CYSLTR2: variants seen among roughly 807,000 people sequenced by gnomAD.
The protein encoded by CYSLTR2 is cysteinyl leukotriene receptor 2, also known as G-protein coupled receptor GPCR21.
For missense variants in CYSLTR2, 398 were observed against 411.9 expected (o/e 0.97, Z 0.29); for synonymous variants, 179 against 160.8 (o/e 1.11, Z -0.86).
At chr13:48,659,941 G>C (rs1382047510) in intron 1 of CYSLTR2, among the ~76,000 whole-genome samples, 1 of 152,204 alleles carries the variant, frequency 6.6e-6, no homozygotes. Flanking sequence ...GAGAGCTGAG[G>C]AAAGTTTTGA....
chr13:48,690,236 C>A lies in CYSLTR2; in HGVS notation c.-265-976C>A, dbSNP rs543497354. Among the ~76,000 whole-genome samples the A allele has an allele frequency of 3.9e-5, 6 of 152,230 alleles. No individual in the cohort carries two copies. The East Asian group carries it at 9.6e-4, about 24-fold the overall frequency. On this transcript the variant is annotated intron_variant, in intron 1 of 4. Transcript: ENST00000682523. ...GACTTCCTCTCTTCCTATTTGGATA[C>A]CCTTTATTTCTTTCTCTTGCCTGAT... is the stretch of plus-strand genomic sequence containing the variant.
chr13:48,677,938 G>T, intron 1 of CYSLTR2, among the ~76,000 whole-genome samples: 1 of 147,140 alleles, frequency 6.8e-6, no homozygotes, highest in African/African-American at 2.5e-5. Flanking sequence ...GCGCAATCTT[G>T]GCTCACTGCT....
chr13:48,706,122 G>A (rs1413027030), intron 4 of CYSLTR2, among the ~76,000 whole-genome samples: 5 of 150,638 alleles, frequency 3.3e-5, no homozygotes, highest in African/African-American at 7.3e-5. Context: ...TCAGCCTCCC[G>A]GGTAGCAGAG....
chr13:48,654,278 TGTGTGTGTGTGTGTGTGTGTGTGTGTGA>T (rs1306517015), intron 1 of CYSLTR2, among the ~76,000 whole-genome samples: 25 of 112,236 alleles, frequency 2.2e-4, no homozygotes, highest in Non-Finnish European at 3.4e-4. Flanking sequence ...TGTGTGTGTG[TGTGTGTGTGTGTGTGTGTGTGTGTGTGA>T]GTGTGTGTGT....
chr13:48,707,875 A>G lies in CYSLTR2; in HGVS notation c.*17A>G. 2 of 1,502,518 alleles carry G rather than the reference A, an allele frequency of 1.3e-6. No individual in the cohort carries two copies. Among genetic ancestry groups the G allele is most frequent in the Non-Finnish European group, 1.8e-6 (2 of 1,124,976 alleles). 93.1% of individuals were successfully genotyped at this position (1,502,518 alleles called of 1,614,324 possible). On this transcript the variant is annotated 3_prime_UTR_variant, in exon 5 of 5. Coordinates refer to ENST00000682523, the MANE Select transcript of CYSLTR2 (RefSeq NM_001308476.3). Reference sequence around the variant, plus strand: ...AGAGTATAAGGAGCTCTTAGATGAGACCTGTTCTTGTATCCTTGTGTCCAT... The same window carrying G: ...AGAGTATAAGGAGCTCTTAGATGAGGCCTGTTCTTGTATCCTTGTGTCCAT...
chr13:48,710,297 C>T lies in CYSLTR2; in HGVS notation c.*2439C>T, dbSNP rs1297729163. 6.6e-6 allele frequency: 1 copy of T among 152,162 alleles called. No homozygotes were observed. The highest frequency in any genetic ancestry group is 1.9e-4 in the East Asian group (1 of 5,196). 9.4% of individuals were successfully genotyped at this position (152,162 alleles called of 1,614,324 possible). A position where few individuals can be genotyped will look rare whatever the true frequency, so the allele number is the denominator to read the frequency against. ...AAATCTCGCACTATCACCCTCCACC[C>T]ATGTTCTGGGCAGGGCAAAGTGGGA... On this transcript the variant is annotated 3_prime_UTR_variant, in exon 5 of 5. Coordinates refer to ENST00000682523, the MANE Select transcript of CYSLTR2 (RefSeq NM_001308476.3).
intron 1 of CYSLTR2, among the ~76,000 whole-genome samples, chr13:48,681,618 T>C (rs1408286820): frequency 6.6e-6 from 1 of 152,178 alleles, no homozygotes; most frequent in Non-Finnish European, 1.5e-5. Context: ...CTATTGTTTT[T>C]GGTGATCTCT....
At chr13:48,656,391 T>G (rs1427737530) in intron 1 of CYSLTR2, among the ~76,000 whole-genome samples, 1 of 152,236 alleles carries the variant, frequency 6.6e-6, no homozygotes, top group Non-Finnish European at 1.5e-5. Context: ...GGCACCAAGT[T>G]AATCACTTAA....
intron 1 of CYSLTR2, among the ~76,000 whole-genome samples, chr13:48,685,162 G>A (rs1167300485): frequency 6.6e-6 from 1 of 152,138 alleles, no homozygotes. Flanking sequence ...GGAGGCCTCG[G>A]GGAGCTTTTA....
At chr13:48,681,594 T>G (rs1053428775) in intron 1 of CYSLTR2, among the ~76,000 whole-genome samples, 1 of 152,176 alleles carries the variant, frequency 6.6e-6, no homozygotes, top group Non-Finnish European at 1.5e-5. Flanking sequence ...AAATCCATGG[T>G]GGACCACCTA....
At chr13:48,676,947 C>G (rs1953613252) in intron 1 of CYSLTR2, among the ~76,000 whole-genome samples, 1 of 152,038 alleles carries the variant, frequency 6.6e-6, no homozygotes, top group Non-Finnish European at 1.5e-5. Context: ...GAGGCAGAGG[C>G]AAAGAAACAG....
At chr13:48,663,096 G>T (rs1953170711) in intron 1 of CYSLTR2, among the ~76,000 whole-genome samples, 1 of 152,074 alleles carries the variant, frequency 6.6e-6, no homozygotes, top group Admixed American at 6.6e-5. Context: ...TTATTCAGGA[G>T]ACTGTCTTTT....
chr13:48,705,409 T>C (rs1399463375), intron 4 of CYSLTR2, among the ~76,000 whole-genome samples: 1 of 152,092 alleles, frequency 6.6e-6, no homozygotes, highest in Non-Finnish European at 1.5e-5. Flanking sequence ...TTATATTTAA[T>C]GTAATTATTG....
At chr13:48,675,448 A>G (rs1379481818) in intron 1 of CYSLTR2, among the ~76,000 whole-genome samples, 1 of 152,132 alleles carries the variant, frequency 6.6e-6, no homozygotes. Context: ...TGTGAGGGGA[A>G]AACTGCCTAC....
intron 1 of CYSLTR2, among the ~76,000 whole-genome samples, chr13:48,657,320 G>C (rs75422730): frequency 0.1 from 15,427 of 152,142 alleles, 1,715 homozygotes; most frequent in African/African-American, 0.28. Flanking sequence ...CAGGATAAGG[G>C]TCTAAGCAGT....
At chr13:48,661,221 G>C (rs544351260) in intron 1 of CYSLTR2, among the ~76,000 whole-genome samples, 2 of 151,980 alleles carry the variant, frequency 1.3e-5, no homozygotes, top group Non-Finnish European at 2.9e-5. Context: ...CAAAGTGCTA[G>C]GATTACAGAC....
At chr13:48,674,589 T>G (rs1298112546) in intron 1 of CYSLTR2, among the ~76,000 whole-genome samples, 2 of 152,222 alleles carry the variant, frequency 1.3e-5, no homozygotes, top group African/African-American at 4.8e-5. Flanking sequence ...TAGGAGGAGT[T>G]TGTTGTTACC....
At chr13:48,660,782 A>T (rs1321484070) in intron 1 of CYSLTR2, among the ~76,000 whole-genome samples, 1 of 152,226 alleles carries the variant, frequency 6.6e-6, no homozygotes, top group African/African-American at 2.4e-5. Flanking sequence ...GCCTGTTACA[A>T]ATAAACTCTG....
chr13:48,684,655 C>T (rs117042947), intron 1 of CYSLTR2, among the ~76,000 whole-genome samples: 307 of 152,120 alleles, frequency 2.0e-3, no homozygotes, highest in Middle Eastern at 6.8e-3. Context: ...ATAGATGTTA[C>T]GTATCCTTGT....
Sources: gnomAD v4.1 joint callset for allele counts (sites outside exome capture counted in the v4.1 genomes callset) on GRCh38, gnomAD v4.1.1 for gene constraint, MANE v1.5 for transcripts, NCBI Gene and HGNC (gene_info 2026-07-23, HGNC 2026-07-21) for gene names.